IKBKB-DT: variants seen among roughly 807,000 people sequenced by gnomAD.
The protein encoded by IKBKB-DT is IKBKB divergent transcript.
intron 3 of IKBKB-DT, among the ~76,000 whole-genome samples, chr8:42,248,775 A>G (rs1807093055): frequency 6.6e-6 from 1 of 150,768 alleles, no homozygotes; most frequent in Admixed American, 6.6e-5. Context: ...GCCATTTGGG[A>G]GGCTGAAGCA....
At chr8:42,262,332 G>A (rs10441604) in intron 3 of IKBKB-DT, among the ~76,000 whole-genome samples, 19,513 of 145,002 alleles carry the variant, frequency 0.13, 2,835 homozygotes, top group African/African-American at 0.37. Context: ...AAAAAAAAAA[G>A]AAAAGAAAAG....
chr8:42,246,730 C>T (rs746960418), intron 3 of IKBKB-DT, among the ~76,000 whole-genome samples: 30 of 152,180 alleles, frequency 2.0e-4, no homozygotes, highest in Non-Finnish European at 7.3e-5. Context: ...CCCTACATGG[C>T]AATTTCAAGT....
At chr8:42,245,463 C>T (rs1807051836) in intron 3 of IKBKB-DT, among the ~76,000 whole-genome samples, 4 of 152,186 alleles carry the variant, frequency 2.6e-5, no homozygotes. Context: ...GGCCCCAGGC[C>T]ATCTGCCAGC....
intron 3 of IKBKB-DT, among the ~76,000 whole-genome samples, chr8:42,247,809 C>T (rs1200701867): frequency 2.0e-5 from 3 of 152,046 alleles, no homozygotes; most frequent in Admixed American, 6.5e-5. Context: ...GAAGAAAGTG[C>T]CTGCGCTGGG....
At chr8:42,241,968 G>A (rs1807010151) in intron 3 of IKBKB-DT, among the ~76,000 whole-genome samples, 1 of 152,138 alleles carries the variant, frequency 6.6e-6, no homozygotes, top group African/African-American at 2.4e-5. Flanking sequence ...AATCCCAACA[G>A]TTTGGGAGGC....
chr8:42,260,986 C>T (rs1411209709), intron 3 of IKBKB-DT, among the ~76,000 whole-genome samples: 1 of 152,100 alleles, frequency 6.6e-6, no homozygotes, highest in Non-Finnish European at 1.5e-5. Flanking sequence ...TCTTAGAAAA[C>T]ACCCCAAGAG....
intron 3 of IKBKB-DT, among the ~76,000 whole-genome samples, chr8:42,260,409 T>C (rs1017279171): frequency 4.6e-5 from 7 of 152,106 alleles, no homozygotes; most frequent in Non-Finnish European, 1.0e-4. Flanking sequence ...CTCATGCCTA[T>C]AATCCCAGCA....
intron 3 of IKBKB-DT, chr8:42,255,656 C>T (rs200225264): frequency 3.3e-5 from 5 of 152,128 alleles, no homozygotes; most frequent in South Asian, 2.1e-4. Flanking sequence ...TTCCAGTCAA[C>T]GTCTTAGCAA....
chr8:42,243,410 A>G (rs1484307655), intron 3 of IKBKB-DT, among the ~76,000 whole-genome samples: 1 of 152,216 alleles, frequency 6.6e-6, no homozygotes, highest in East Asian at 1.9e-4. Flanking sequence ...AAAAGAAGAA[A>G]GAGAAAAAAA....
At chr8:42,241,866 C>G (rs186359539) in intron 3 of IKBKB-DT, among the ~76,000 whole-genome samples, 1 of 151,998 alleles carries the variant, frequency 6.6e-6, no homozygotes, top group African/African-American at 2.4e-5. Context: ...GTTAGATGGT[C>G]GAACTAATAT....
rs111884052 is a variant in IKBKB-DT, at chr8:42,251,136, G to A, written n.1529+12193C>T. ...CCAAAAGTGTTAGAAATAGATCATCGGTGCCACGAACAAAAGAAAGCACAG... is the reference window on the plus strand; with the variant it reads ...CCAAAAGTGTTAGAAATAGATCATCAGTGCCACGAACAAAAGAAAGCACAG... On this transcript the variant is annotated intron_variant and non_coding_transcript_variant, in intron 3 of 3. Transcript: ENST00000518213. Among the ~76,000 whole-genome samples, 1,434 of 152,218 alleles carry A rather than the reference G, an allele frequency of 9.4e-3. 15 individuals carry two copies. The highest frequency in any genetic ancestry group is 0.031 in the African/African-American group (1,303 of 41,526).
rs148077245 is a variant in IKBKB-DT, at chr8:42,240,208, T to C, written n.1530-6349A>G. Reference sequence around the variant, plus strand: ...AAGCATGTGACACCAGATGGCAATTTGTTAGCCAAATGCTGTTTTTTTTTT... The same window carrying C: ...AAGCATGTGACACCAGATGGCAATTCGTTAGCCAAATGCTGTTTTTTTTTT... On this transcript the variant is annotated intron_variant and non_coding_transcript_variant, in intron 3 of 3. Coordinates refer to ENST00000518213, the Ensembl canonical transcript of IKBKB-DT. Among the ~76,000 whole-genome samples the C allele has an allele frequency of 7.7e-3, 1,153 of 150,152 alleles. 23 individuals carry two copies. The highest frequency in any genetic ancestry group is 0.028 in the Middle Eastern group (8 of 288).
chr8:42,254,652 G>A (rs28764182), intron 3 of IKBKB-DT, among the ~76,000 whole-genome samples: 2,945 of 146,148 alleles, frequency 0.02, 86 homozygotes, highest in African/African-American at 0.066. Flanking sequence ...ACCTCTGCCC[G>A]GCCAGCCTGT....
intron 3 of IKBKB-DT, among the ~76,000 whole-genome samples, chr8:42,254,278 A>G (rs1807165817): frequency 6.6e-6 from 1 of 152,256 alleles, no homozygotes; most frequent in Non-Finnish European, 1.5e-5. Context: ...TCTACCAAAG[A>G]TAGTCACAGT....
chr8:42,239,882 A>G (rs1285944446), intron 3 of IKBKB-DT, among the ~76,000 whole-genome samples: 1 of 151,440 alleles, frequency 6.6e-6, no homozygotes, highest in Non-Finnish European at 1.5e-5. Context: ...TAGGTGATCC[A>G]CCTGGCTCAG....
chr8:42,251,519 A>T (rs1259621625), intron 3 of IKBKB-DT, among the ~76,000 whole-genome samples: 1 of 152,238 alleles, frequency 6.6e-6, no homozygotes, highest in African/African-American at 2.4e-5. Context: ...GTTACATAGG[A>T]TAGGGTTTAA....
chr8:42,238,024 CAAAAAAAAAA>C (rs35087510), intron 3 of IKBKB-DT, among the ~76,000 whole-genome samples: 13 of 35,252 alleles, frequency 3.7e-4, no homozygotes, highest in African/African-American at 6.0e-4. Context: ...GGCCCTCTCT[CAAAAAAAAAA>C]AAAAAAAAAA....
At chr8:42,245,312 C>T (rs999280114) in intron 3 of IKBKB-DT, among the ~76,000 whole-genome samples, 5 of 152,082 alleles carry the variant, frequency 3.3e-5, no homozygotes, top group Non-Finnish European at 5.9e-5. Flanking sequence ...TGATTCTTTA[C>T]GTGTTGGGAA....
At chr8:42,262,237 C>T (rs1313984849) in intron 3 of IKBKB-DT, among the ~76,000 whole-genome samples, 1 of 150,324 alleles carries the variant, frequency 6.7e-6, no homozygotes, top group Non-Finnish European at 1.5e-5. Context: ...ACGTATGTAA[C>T]TAACCTGCAC....
Sources: gnomAD v4.1 joint callset for allele counts (sites outside exome capture counted in the v4.1 genomes callset) on GRCh38, gnomAD v4.1.1 for gene constraint, MANE v1.5 for transcripts, NCBI Gene and HGNC (gene_info 2026-07-23, HGNC 2026-07-21) for gene names.